The following DLG2 variants were observed in gnomAD, a reference collection of about 807,000 sequenced individuals.
DLG2 encodes disks large homolog 2.
Under a neutral mutation model 132.5 loss-of-function variants are expected in DLG2, and 45 were observed. The ratio of observed to expected loss-of-function variants is 0.34; its 90% CI spans 0.27 to 0.44. DLG2 has a LOEUF of 0.44. DLG2 is among the 20% of genes least tolerant of loss of function. The pLI is 1.00. For missense variants in DLG2, 1,045 were observed against 1,196.9 expected (o/e 0.87, Z 1.87); for synonymous variants, 424 against 419.6 (o/e 1.01, Z -0.13).
At chr11:84,485,830 T>C (rs770460279) in intron 7 of DLG2, among the ~76,000 whole-genome samples, 2 of 152,172 alleles carry the variant, frequency 1.3e-5, no homozygotes, top group Non-Finnish European at 2.9e-5. Flanking sequence ...AAGAATGCAG[T>C]AAACCTGAAA....
chr11:84,285,579 C>G (rs1049812942), intron 7 of DLG2, among the ~76,000 whole-genome samples: 4 of 152,164 alleles, frequency 2.6e-5, no homozygotes, highest in African/African-American at 9.7e-5. Context: ...TACCAGATCC[C>G]TGTCCTCTAT....
chr11:85,384,189 C>A (rs1337279513), intron 3 of DLG2, among the ~76,000 whole-genome samples: 3 of 152,104 alleles, frequency 2.0e-5, no homozygotes, highest in African/African-American at 4.8e-5. Context: ...AACAGCCCTG[C>A]AAGAAAGGTA....
At chr11:85,425,236 G>C (rs1455349887) in intron 3 of DLG2, among the ~76,000 whole-genome samples, 2 of 152,024 alleles carry the variant, frequency 1.3e-5, no homozygotes, top group Admixed American at 1.3e-4. Flanking sequence ...AAACTTCAAT[G>C]CTTATAAACA....
chr11:83,862,510 AGAAT>A (rs2061613222), intron 16 of DLG2, among the ~76,000 whole-genome samples: 1 of 152,184 alleles, frequency 6.6e-6, no homozygotes, highest in Non-Finnish European at 1.5e-5. Context: ...AAATTTATAA[AGAAT>A]GAATAAAATC....
intron 3 of DLG2, among the ~76,000 whole-genome samples, chr11:85,503,199 A>G (rs2093845027): frequency 6.6e-6 from 1 of 152,134 alleles, no homozygotes; most frequent in African/African-American, 2.4e-5. Context: ...GTACCATTAT[A>G]TTTTATACTT....
At chr11:83,661,115 C>T (rs2074148454) in intron 18 of DLG2, among the ~76,000 whole-genome samples, 1 of 152,048 alleles carries the variant, frequency 6.6e-6, no homozygotes, top group Admixed American at 6.6e-5. Flanking sequence ...AGTTCTCCTG[C>T]TTTGCCCGAG....
intron 6 of DLG2, among the ~76,000 whole-genome samples, chr11:84,695,042 T>C (rs962336456): frequency 4.0e-5 from 6 of 151,546 alleles, no homozygotes; most frequent in African/African-American, 1.5e-4. Flanking sequence ...TTCCTTTTAA[T>C]GGTCAAAGCT....
chr11:85,414,790 C>T (rs923548035), intron 3 of DLG2, among the ~76,000 whole-genome samples: 1 of 151,872 alleles, frequency 6.6e-6, no homozygotes, highest in Admixed American at 6.6e-5. Flanking sequence ...GTGTTAGGTG[C>T]ATATATCTTT....
intron 3 of DLG2, among the ~76,000 whole-genome samples, chr11:85,358,144 A>G (rs2152895495): frequency 6.6e-6 from 1 of 152,278 alleles, no homozygotes; most frequent in East Asian, 1.9e-4. Flanking sequence ...TGACTTTTCA[A>G]CCATGGCACC....
At chr11:85,516,811 C>T (rs947505578) in intron 3 of DLG2, among the ~76,000 whole-genome samples, 2 of 151,846 alleles carry the variant, frequency 1.3e-5, no homozygotes, top group African/African-American at 4.8e-5. Flanking sequence ...AACCCAGGAC[C>T]GGAGGGATTC....
intron 19 of DLG2, among the ~76,000 whole-genome samples, chr11:83,567,030 A>C (rs1040537058): frequency 2.6e-5 from 4 of 152,092 alleles, no homozygotes; most frequent in African/African-American, 4.8e-5. Context: ...TGGGGTAATG[A>C]TTTTTGCACA....
At chr11:85,315,273 A>G (rs1009675657) in intron 3 of DLG2, among the ~76,000 whole-genome samples, 8 of 151,928 alleles carry the variant, frequency 5.3e-5, no homozygotes, top group Non-Finnish European at 1.0e-4. Context: ...CTATTCCACT[A>G]TCTTGTCCTG....
chr11:85,233,011 G>A (rs578127635), intron 4 of DLG2, among the ~76,000 whole-genome samples: 3 of 151,982 alleles, frequency 2.0e-5, no homozygotes, highest in South Asian at 2.1e-4. Context: ...CTTTCCATGC[G>A]TTATGTTTAA....
rs184370954 is a variant in DLG2, at chr11:85,074,755, T to A, written c.357+36906A>T. On this transcript the variant is annotated intron_variant, in intron 6 of 27. Coordinates refer to ENST00000376104, the MANE Select transcript of DLG2 (RefSeq NM_001142699.3). ...CACTGGCATATGTTTCCCTCTAACTTCATGCTTTTGTGCGGAGGAACCATG... is the reference window on the plus strand; with the variant it reads ...CACTGGCATATGTTTCCCTCTAACTACATGCTTTTGTGCGGAGGAACCATG... 6.0e-4 allele frequency among the ~76,000 whole-genome samples: 91 copies of A among 152,004 alleles called. 1 individual carries two copies. Among genetic ancestry groups the A allele is most frequent in the African/African-American group, 1.9e-3 (79 of 41,530 alleles).
intron 18 of DLG2, among the ~76,000 whole-genome samples, chr11:83,759,151 A>G (rs1247734817): frequency 7.2e-5 from 11 of 152,252 alleles, no homozygotes; most frequent in Admixed American, 5.2e-4. Flanking sequence ...GTAAAAAGTC[A>G]TAAGTGTCTA....
At chr11:83,611,938 G>A (rs2060175869) in intron 19 of DLG2, among the ~76,000 whole-genome samples, 1 of 152,206 alleles carries the variant, frequency 6.6e-6, no homozygotes, top group South Asian at 2.1e-4. Flanking sequence ...TTGAGCGGGA[G>A]GGAAGCATGC....
chr11:83,550,027 G>A (rs2096349124), intron 19 of DLG2, among the ~76,000 whole-genome samples: 1 of 152,312 alleles, frequency 6.6e-6, no homozygotes, highest in East Asian at 1.9e-4. Context: ...ATTATGTTCT[G>A]TGGATTGTAT....
intron 7 of DLG2, among the ~76,000 whole-genome samples, chr11:84,498,910 T>C (rs1401503951): frequency 6.6e-6 from 1 of 152,106 alleles, no homozygotes; most frequent in Non-Finnish European, 1.5e-5. Context: ...GTATGTGAGG[T>C]GTGAGGGCCA....
intron 6 of DLG2, among the ~76,000 whole-genome samples, chr11:85,103,045 TG>T (rs2071130617): frequency 6.6e-6 from 1 of 151,946 alleles, no homozygotes; most frequent in African/African-American, 2.4e-5. Context: ...TAAAATATTT[TG>T]GAATAAATTT....
Sources: gnomAD v4.1 joint callset for allele counts (sites outside exome capture counted in the v4.1 genomes callset) on GRCh38, gnomAD v4.1.1 for gene constraint, MANE v1.5 for transcripts, NCBI Gene and HGNC (gene_info 2026-07-23, HGNC 2026-07-21) for gene names.